The following NCAPG2 variants were observed in gnomAD, a reference collection of about 807,000 sequenced individuals.
NCAPG2 encodes non-SMC condensin II complex subunit G2.
In NCAPG2, 53 loss-of-function variants were observed where a neutral mutation model predicts 141.1. The ratio of observed to expected loss-of-function variants is 0.38; its 90% CI spans 0.30 to 0.47. NCAPG2 has a LOEUF of 0.47. Among genes scored for constraint, NCAPG2 ranks in the 20% least tolerant of loss-of-function variants. NCAPG2 has a pLI of 0.99. For missense variants in NCAPG2, 1,087 were observed against 1,389.0 expected, an observed-to-expected ratio of 0.78 and a Z score of 3.46; for synonymous variants, 499 against 490.7, an observed-to-expected ratio of 1.02 and a Z score of -0.22.
rs779966867 is a variant in NCAPG2 at position 158,686,177 on chromosome 7, G to A, written c.832C>T (p.Leu278=). 2.6e-6 allele frequency: 4 copies of A among 1,555,994 alleles called. No individual in the cohort carries two copies. The highest frequency in any genetic ancestry group is 3.5e-6 in the Non-Finnish European group (4 of 1,146,684). Residue 278 remains leucine (L), a synonymous_variant, in exon 8 of 28, where the codon CTG becomes TTG. Coordinates refer to ENST00000356309, the MANE Select transcript of NCAPG2 (RefSeq NM_017760.7). ...ATTTAAAAAAATGAAAATACCTCCAGTATTTTCCCTGAAGCCTTTTTCCAA... is the reference window on the plus strand; with the variant it reads ...ATTTAAAAAAATGAAAATACCTCCAATATTTTCCCTGAAGCCTTTTTCCAA... The part of the protein sequence containing the change: ...RAWKKASGKI[L]EAIENDCIQD...
At position 158,659,593 on chromosome 7, in the gene NCAPG2, A is replaced by C. The variant is rs547758068; in HGVS notation, c.1990-1185T>G. Among the ~76,000 whole-genome samples the C allele has an allele frequency of 1.3e-5, 2 of 152,248 alleles. 1 individual carries two copies. The highest frequency in any genetic ancestry group is 4.1e-4 in the South Asian group (2 of 4,824). The stretch of plus-strand genomic sequence containing the variant: ...GCAGCTAAATTATTATTACTAAAAC[A>C]ATAAGTAAAAGGGGGTACATCCACC... On this transcript the variant is annotated intron_variant, in intron 16 of 27. Coordinates refer to ENST00000356309, the MANE Select transcript of NCAPG2 (RefSeq NM_017760.7).
rs115814902 is a variant in NCAPG2, at chr7:158,650,991, G to A, written c.2935-19C>T. 3,501 of 1,548,768 alleles carry A rather than the reference G, an allele frequency of 2.3e-3. 68 individuals are homozygous for A. The African/African-American group carries it at 0.043, about 19-fold the overall frequency. ...AAAGCAGCTACAAGAAAACACATAC[G>A]TCACTTTTAATGACTAAAAACCATG... On this transcript the variant is annotated intron_variant, in intron 23 of 27. Coordinates refer to ENST00000356309, the MANE Select transcript of NCAPG2 (RefSeq NM_017760.7).
intron 17 of NCAPG2, among the ~76,000 whole-genome samples, chr7:158,657,915 G>A (rs1161257654): frequency 2.0e-5 from 3 of 151,952 alleles, no homozygotes; most frequent in Admixed American, 6.6e-5. Flanking sequence ...GATTAAGGGC[G>A]GTGCAAGATG....
intron 27 of NCAPG2, chr7:158,639,951 A>G (rs889812873): frequency 1.0e-5 from 6 of 593,776 alleles, no homozygotes; most frequent in Non-Finnish European, 1.3e-5. Context: ...AACATGTATA[A>G]TAAGAATTTC....
intron 26 of NCAPG2, among the ~76,000 whole-genome samples, chr7:158,644,947 C>T (rs1486965083): frequency 2.0e-5 from 3 of 152,166 alleles, no homozygotes; most frequent in Admixed American, 6.6e-5. Context: ...ATAATTTCAA[C>T]GTTAGTAAAA....
chr7:158,637,579 C>CGAGCCACACACAGGAGCCTGGGGGACTCA (rs1403971410), intron 27 of NCAPG2, among the ~76,000 whole-genome samples: 5 of 5,150 alleles, frequency 9.7e-4, no homozygotes, highest in Admixed American at 2.5e-3. Flanking sequence ...GCTCCGGCTC[C>CGAGCCACACACAGGAGCCTGGGGGACTCA]AGCAGCTCCC....
intron 27 of NCAPG2, among the ~76,000 whole-genome samples, chr7:158,643,918 A>T (rs1830815566): frequency 6.6e-6 from 1 of 152,174 alleles, no homozygotes; most frequent in African/African-American, 2.4e-5. Flanking sequence ...CTCTGGAGGG[A>T]CCGCACATCC....
intron 25 of NCAPG2, among the ~76,000 whole-genome samples, chr7:158,646,072 G>A (rs548108974): frequency 6.6e-6 from 1 of 152,296 alleles, no homozygotes; most frequent in East Asian, 1.9e-4. Flanking sequence ...CATATGGACT[G>A]GAAAATGAGT....
rs570771419 is a variant in NCAPG2, at chr7:158,631,655, T to C, written c.*11A>G. On this transcript the variant is annotated 3_prime_UTR_variant, in exon 28 of 28. Transcript: ENST00000356309. ...TTCCCTATTTTTACATGTCTGGAGA[T>C]GTTGGCTTGGTTATGAATTCAAAAG... 11 of 1,575,038 alleles carry C rather than the reference T, an allele frequency of 7.0e-6. No homozygotes were observed. The highest frequency in any genetic ancestry group is 1.7e-5 in the Admixed American group (1 of 59,740).
rs772059642 is a variant in NCAPG2, at chr7:158,655,391, G to A, written c.2453C>T (p.Ala818Val). ...ACAGTGGAGACCAAAGGCTCGCGGG[G>A]CAGCTGCTTCACTGAAGCCACGAGG... ...GKPRGFSEAA[A>V]PRAFGLHCRL... The change falls in exon 20 of 28, where the codon GCC (alanine) becomes GTC (valine). Residue 818 changes from alanine to valine, a missense_variant. Transcript: ENST00000356309. 6 of 1,614,060 alleles carry A rather than the reference G, an allele frequency of 3.7e-6. No homozygotes were observed. The African/African-American group carries it at 6.7e-5, about 18-fold the overall frequency.
At chr7:158,692,722 C>T in intron 4 of NCAPG2, 120 bp downstream of exon 4, 1 of 761,932 alleles carries the variant, frequency 1.3e-6, no homozygotes, top group Admixed American at 2.7e-5. Flanking sequence ...GCCTAGGCAA[C>T]AAGAGCGAAA....
At chr7:158,686,721 A>G (rs974916682) in intron 7 of NCAPG2, among the ~76,000 whole-genome samples, 1 of 152,212 alleles carries the variant, frequency 6.6e-6, no homozygotes, top group Non-Finnish European at 1.5e-5. Flanking sequence ...GCAATCTAGT[A>G]TACAACAGGA....
chr7:158,637,717 G>A (rs947071493), intron 27 of NCAPG2, among the ~76,000 whole-genome samples: 6 of 152,184 alleles, frequency 3.9e-5, no homozygotes, highest in Admixed American at 1.3e-4. Flanking sequence ...CTCCCTGTCC[G>A]GGTGGGGGCT....
chr7:158,686,179 AT>A lies in NCAPG2; in HGVS notation c.829del (p.Ile277TyrfsTer34). On this transcript the variant is annotated frameshift_variant, in exon 8 of 28. Transcript: ENST00000356309. LOFTEE classifies it high-confidence loss of function. ...TTAAAAAAATGAAAATACCTCCAGT[AT>A]TTTCCCTGAAGCCTTTTTCCAAGCT... ...FRAWKKASGK[I>X]LEAIENDCIQ... is the part of the protein sequence containing the mutation. 1 of 1,562,690 alleles carries A rather than the reference AT, an allele frequency of 6.4e-7. No individual in the cohort carries two copies. The highest frequency in any genetic ancestry group is 2.3e-5 in the East Asian group (1 of 43,476).
intron 11 of NCAPG2, among the ~76,000 whole-genome samples, chr7:158,679,271 T>C (rs1467112673): frequency 1.3e-5 from 2 of 152,248 alleles, no homozygotes; most frequent in South Asian, 2.1e-4. Context: ...CAGCACTTTG[T>C]TGTCATTGTT....
intron 13 of NCAPG2, chr7:158,668,499 T>A: frequency 1.2e-6 from 1 of 866,452 alleles, no homozygotes; most frequent in Non-Finnish European, 1.4e-6. Flanking sequence ...CATTCTGAAA[T>A]ACAAAGAAAA....
chr7:158,655,748 C>CCCCA (rs1554554703), intron 19 of NCAPG2, among the ~76,000 whole-genome samples: 3 of 152,142 alleles, frequency 2.0e-5, no homozygotes, highest in Non-Finnish European at 2.9e-5. Flanking sequence ...ATCTGCCTGG[C>CCCCA]TCCACTCTGC....
intron 23 of NCAPG2, among the ~76,000 whole-genome samples, chr7:158,651,763 A>G (rs1831511615): frequency 1.3e-5 from 2 of 152,212 alleles, no homozygotes; most frequent in Non-Finnish European, 2.9e-5. Context: ...GGCCCCTTCA[A>G]GGTCTGTGAC....
intron 1 of NCAPG2, chr7:158,702,478 C>G (rs1835871232): frequency 1.3e-5 from 2 of 152,448 alleles, no homozygotes; most frequent in African/African-American, 4.8e-5. Context: ...GCACCCTCCT[C>G]CCACCCCTTC....
Sources: allele counts gnomAD v4.1 joint callset (sites outside exome capture counted in the v4.1 genomes callset), GRCh38; gene constraint gnomAD v4.1.1; transcripts MANE v1.5; gene names NCBI Gene and HGNC (gene_info 2026-07-23, HGNC 2026-07-21).